Variants in WWOX observed in about 807,000 individuals in gnomAD.
The protein encoded by WWOX is WW domain-containing oxidoreductase.
WWOX carries 69 observed loss-of-function variants against 46.2 expected under a neutral mutation model. The observed-to-expected ratio is 1.49, with a 90% CI of 1.23 to 1.82. WWOX has a LOEUF of 1.82. Ranked by LOEUF, WWOX falls within the 40% of genes most tolerant of loss-of-function variation. The probability of loss-of-function intolerance (pLI) is 0.00; values close to 1 mark genes in which losing one functional copy is unlikely to be tolerated. For missense variants in WWOX, 919 were observed against 542.6 expected, an observed-to-expected ratio of 1.69 and a Z score of -6.89; for synonymous variants, 359 against 202.6, an observed-to-expected ratio of 1.77 and a Z score of -6.56.
intron 1 of WWOX, among the ~76,000 whole-genome samples, chr16:78,106,894 G>C (rs1029322554): frequency 6.6e-6 from 1 of 152,188 alleles, no homozygotes; most frequent in African/African-American, 2.4e-5. Flanking sequence ...GCCCTGAGGA[G>C]ACTGGCTGGA....
intron 5 of WWOX, among the ~76,000 whole-genome samples, chr16:78,252,538 A>G (rs2038011521): frequency 6.6e-6 from 1 of 152,230 alleles, no homozygotes. Flanking sequence ...CTTTTCCCAG[A>G]TGGCAAATGA....
intron 8 of WWOX, among the ~76,000 whole-genome samples, chr16:78,643,040 A>C (rs1365637835): frequency 6.6e-6 from 1 of 152,164 alleles, no homozygotes; most frequent in Non-Finnish European, 1.5e-5. Context: ...TGTTAGTGCT[A>C]CTATTATCCC....
chr16:79,201,602 C>G (rs1387591925), intron 8 of WWOX, among the ~76,000 whole-genome samples: 1 of 152,178 alleles, frequency 6.6e-6, no homozygotes, highest in Non-Finnish European at 1.5e-5. Context: ...GGAAAAACAT[C>G]TTCAAACGCA....
chr16:78,837,203 C>A (rs1441173231), intron 8 of WWOX, among the ~76,000 whole-genome samples: 1 of 152,170 alleles, frequency 6.6e-6, no homozygotes, highest in Non-Finnish European at 1.5e-5. Context: ...AACTGCTAGG[C>A]TGAACCAGAA....
chr16:78,642,939 G>C (rs1203395839), intron 8 of WWOX, among the ~76,000 whole-genome samples: 1 of 152,196 alleles, frequency 6.6e-6, no homozygotes, highest in Non-Finnish European at 1.5e-5. Flanking sequence ...GCTTATAATA[G>C]TAATAATAAG....
intron 8 of WWOX, among the ~76,000 whole-genome samples, chr16:78,607,056 C>T (rs1262873958): frequency 6.6e-6 from 1 of 152,024 alleles, no homozygotes; most frequent in Non-Finnish European, 1.5e-5. Context: ...CAGAACAATG[C>T]AAATGGTGGC....
chr16:78,699,060 G>A (rs2048158524), intron 8 of WWOX, among the ~76,000 whole-genome samples: 1 of 152,176 alleles, frequency 6.6e-6, no homozygotes, highest in Non-Finnish European at 1.5e-5. Flanking sequence ...TTCAGATGGT[G>A]TGTGTTACAA....
chr16:78,582,732 A>G (rs2045093128), intron 8 of WWOX, among the ~76,000 whole-genome samples: 1 of 152,146 alleles, frequency 6.6e-6, no homozygotes, highest in Admixed American at 6.5e-5. Flanking sequence ...GTTGTTAGAA[A>G]AGTCTTCATC....
chr16:79,184,087 G>C (rs2050966079), intron 8 of WWOX, among the ~76,000 whole-genome samples: 1 of 152,158 alleles, frequency 6.6e-6, no homozygotes, highest in Non-Finnish European at 1.5e-5. Flanking sequence ...ACTCAAAATG[G>C]GGAAAAGTGG....
chr16:78,887,773 T>C (rs1202475882), intron 8 of WWOX, among the ~76,000 whole-genome samples: 1 of 152,218 alleles, frequency 6.6e-6, no homozygotes, highest in Non-Finnish European at 1.5e-5. Context: ...TTCGGGATGT[T>C]GAATTTTCTC....
rs7185271 is a variant in WWOX, at chr16:78,466,403, A to T, written c.1056+33651A>T. Reference sequence around the variant, plus strand: ...AGGTGATAGCTCTACAACACTGTCAATGTACTAAATGACACTAAATTGTAC... The same window carrying T: ...AGGTGATAGCTCTACAACACTGTCATTGTACTAAATGACACTAAATTGTAC... On this transcript the variant is annotated intron_variant, in intron 8 of 8. Coordinates refer to ENST00000566780, the MANE Select transcript of WWOX (RefSeq NM_016373.4). Among the ~76,000 whole-genome samples, 21 of 152,312 alleles carry T rather than the reference A, an allele frequency of 1.4e-4. No individual in the cohort carries two copies. In the East Asian group the frequency reaches 3.5e-3, roughly 25 times the overall value.
intron 5 of WWOX, among the ~76,000 whole-genome samples, chr16:78,372,365 C>A (rs552472769): frequency 3.5e-4 from 54 of 152,248 alleles, no homozygotes; most frequent in Non-Finnish European, 6.9e-4. Context: ...GCCGTCTACC[C>A]CCCTGCTGCT....
At chr16:79,088,780 T>A (rs866236687) in intron 8 of WWOX, among the ~76,000 whole-genome samples, 1 of 152,282 alleles carries the variant, frequency 6.6e-6, no homozygotes, top group East Asian at 1.9e-4. Flanking sequence ...GCTTTAGATA[T>A]ACTGCAGATA....
At chr16:78,973,144 G>T (rs1349278607) in intron 8 of WWOX, among the ~76,000 whole-genome samples, 1 of 152,138 alleles carries the variant, frequency 6.6e-6, no homozygotes, top group Non-Finnish European at 1.5e-5. Context: ...GTGGGGTTGC[G>T]GAAATCTCTG....
At chr16:78,331,872 C>G (rs142574114) in intron 5 of WWOX, among the ~76,000 whole-genome samples, 547 of 152,262 alleles carry the variant, frequency 3.6e-3, no homozygotes, top group Middle Eastern at 0.014. Context: ...AATTATTCCC[C>G]CCTTTACAGA....
At chr16:78,355,109 G>A (rs2081258515) in intron 5 of WWOX, among the ~76,000 whole-genome samples, 1 of 151,644 alleles carries the variant, frequency 6.6e-6, no homozygotes, top group African/African-American at 2.4e-5. Context: ...TCCAGCCTGG[G>A]TCACAGAGGG....
chr16:78,748,886 T>C (rs2049412428), intron 8 of WWOX, among the ~76,000 whole-genome samples: 1 of 152,224 alleles, frequency 6.6e-6, no homozygotes, highest in Non-Finnish European at 1.5e-5. Flanking sequence ...GGTGAATTGA[T>C]TTGCAAAGCA....
At chr16:78,284,701 A>G (rs2079738616) in intron 5 of WWOX, among the ~76,000 whole-genome samples, 1 of 152,220 alleles carries the variant, frequency 6.6e-6, no homozygotes. Context: ...AAATAATAGT[A>G]AATTCTCTTT....
chr16:78,112,122 G>A (rs2032526597), intron 3 of WWOX: 1 of 152,180 alleles, frequency 6.6e-6, no homozygotes, highest in Middle Eastern at 3.2e-3. Flanking sequence ...CTGCACACGG[G>A]GAGAACACCC....
Sources: gnomAD v4.1 joint callset for allele counts (sites outside exome capture counted in the v4.1 genomes callset) on GRCh38, gnomAD v4.1.1 for gene constraint, MANE v1.5 for transcripts, NCBI Gene and HGNC (gene_info 2026-07-23, HGNC 2026-07-21) for gene names.